The following DCAF10 variants were observed in gnomAD, a reference collection of about 807,000 sequenced individuals.
The protein encoded by DCAF10 is DDB1- and CUL4-associated factor 10.
DCAF10 carries 19 observed loss-of-function variants against 51.9 expected under a neutral mutation model. The observed-to-expected ratio is 0.37, with a 90% CI of 0.26 to 0.54. DCAF10 has a LOEUF of 0.54. Ranked by LOEUF, DCAF10 falls within the 20% of genes least tolerant of loss-of-function variation. The pLI is 0.87. For synonymous variants in DCAF10, 291 were observed against 297.1 expected, an observed-to-expected ratio of 0.98 and a Z score of 0.21; for missense variants, 510 against 730.6, an observed-to-expected ratio of 0.70 and a Z score of 3.48.
intron 1 of DCAF10, among the ~76,000 whole-genome samples, chr9:37,809,199 AACT>A (rs1415314334): frequency 6.6e-6 from 1 of 152,092 alleles, no homozygotes; most frequent in Admixed American, 6.5e-5. Context: ...AAATGTTCAG[AACT>A]AAATGATAAT....
At chr9:37,855,567 A>G (rs1019678107) in intron 4 of DCAF10, among the ~76,000 whole-genome samples, 1 of 152,242 alleles carries the variant, frequency 6.6e-6, no homozygotes, top group East Asian at 1.9e-4. Flanking sequence ...TATGTGATTT[A>G]AAAAAGACTA....
chr9:37,849,566 A>G (rs1018326228), intron 3 of DCAF10, among the ~76,000 whole-genome samples: 3 of 151,958 alleles, frequency 2.0e-5, no homozygotes, highest in African/African-American at 4.8e-5. Flanking sequence ...TGGGCAACAT[A>G]GTGAGACCTC....
rs1221650068 is a variant in DCAF10, at chr9:37,829,896, A to G, written c.653+10495A>G. ...GTTGCACGTGCCTATAGTCCCAGCT[A>G]CTTAGAAAGCTTAGGAGGAATGCTT... On this transcript the variant is annotated intron_variant, in intron 2 of 6. Transcript: ENST00000377724. The surrounding 1 kb of genome is among the most constrained non-coding windows in gnomAD (Gnocchi z 4.2). Among the ~76,000 whole-genome samples the G allele has an allele frequency of 6.6e-6, 1 of 152,134 alleles. No individual in the cohort carries two copies. Among genetic ancestry groups the G allele is most frequent in the African/African-American group, 2.4e-5 (1 of 41,436 alleles).
chr9:37,801,211 C>A lies in DCAF10; in HGVS notation c.345C>A (p.Gly115=). 6.4e-7 allele frequency: 1 copy of A among 1,557,682 alleles called. No individual in the cohort carries two copies. Among genetic ancestry groups the A allele is most frequent in the African/African-American group, 1.4e-5 (1 of 71,468 alleles). Residue 115 remains glycine (G), a synonymous_variant, in exon 1 of 7, where the codon GGC becomes GGA. Coordinates refer to ENST00000377724, the MANE Select transcript of DCAF10 (RefSeq NM_024345.5). This position sits in a 1 kb window ranked among gnomAD's most constrained non-coding sequence, Gnocchi z 5.5. ...KSRGRHGLGA[G]LGGPGARLFG... is the part of the protein sequence containing the mutation. ...GGGGCCGACACGGCCTCGGCGCGGG[C>A]CTGGGCGGCCCTGGCGCTAGGCTGT...
intron 2 of DCAF10, among the ~76,000 whole-genome samples, chr9:37,839,690 T>G (rs1830276085): frequency 6.6e-6 from 1 of 152,208 alleles, no homozygotes; most frequent in Non-Finnish European, 1.5e-5. Flanking sequence ...TGCCTGTGTA[T>G]CTTTGCTTAG....
intron 3 of DCAF10, among the ~76,000 whole-genome samples, chr9:37,851,031 A>G (rs1267555881): frequency 2.0e-5 from 3 of 150,190 alleles, no homozygotes; most frequent in East Asian, 2.0e-4. Flanking sequence ...ATCATTTGAG[A>G]TCAGGAGTTC....
chr9:37,860,308 C>A, intron 6 of DCAF10, 115 bp downstream of exon 6: 1 of 1,331,244 alleles, frequency 7.5e-7, no homozygotes, highest in Non-Finnish European at 1.0e-6. Flanking sequence ...GGGCATACTG[C>A]TAGAGATCCT....
At chr9:37,836,959 T>G (rs1357808150) in intron 2 of DCAF10, among the ~76,000 whole-genome samples, 1 of 152,180 alleles carries the variant, frequency 6.6e-6, no homozygotes, top group Non-Finnish European at 1.5e-5. Context: ...CAAACACATT[T>G]ATGGCATGCA....
At chr9:37,842,318 G>A in intron 3 of DCAF10, 32 bp downstream of exon 3, 2 of 1,580,330 alleles carry the variant, frequency 1.3e-6, no homozygotes, top group Non-Finnish European at 8.6e-7. Flanking sequence ...TTAGGATTAT[G>A]AACAAAAACA....
intron 2 of DCAF10, among the ~76,000 whole-genome samples, chr9:37,820,941 T>C (rs1829683054): frequency 6.6e-6 from 1 of 152,150 alleles, no homozygotes. Flanking sequence ...ATGCATGTAG[T>C]ACAAAATTCA....
intron 2 of DCAF10, among the ~76,000 whole-genome samples, chr9:37,825,110 C>T (rs187984419): frequency 8.5e-5 from 13 of 152,070 alleles, no homozygotes; most frequent in African/African-American, 9.6e-5. Flanking sequence ...GGTGAGGTTA[C>T]GGAGAAAAAG....
At chr9:37,832,756 C>T (rs564374715) in intron 2 of DCAF10, among the ~76,000 whole-genome samples, 56 of 152,198 alleles carry the variant, frequency 3.7e-4, no homozygotes, top group Admixed American at 1.2e-3. Flanking sequence ...ACATGATAGA[C>T]ACCTCAAAGC....
At position 37,861,577 on chromosome 9, in the gene DCAF10, T is replaced by G. The variant is rs930903577; in HGVS notation, c.*69T>G. The G allele has an allele frequency of 6.5e-7, 1 of 1,528,764 alleles. No individual in the cohort carries two copies. Among genetic ancestry groups the G allele is most frequent in the Non-Finnish European group, 8.8e-7 (1 of 1,140,560 alleles). 94.7% of individuals were successfully genotyped at this position (1,528,764 alleles called of 1,614,324 possible). A position where few individuals can be genotyped will look rare whatever the true frequency, so the allele number is the denominator to read the frequency against. On this transcript the variant is annotated 3_prime_UTR_variant, in exon 7 of 7. Transcript: ENST00000377724. The surrounding 1 kb of genome is among the most constrained non-coding windows in gnomAD (Gnocchi z 4.9). ...AGGAATTGCTTCAATTTAGATGAAGTATTTTCTTTTTAGAAGATCTTATAA... is the reference window on the plus strand; with the variant it reads ...AGGAATTGCTTCAATTTAGATGAAGGATTTTCTTTTTAGAAGATCTTATAA...
intron 1 of DCAF10, among the ~76,000 whole-genome samples, chr9:37,802,574 T>A (rs1267884945): frequency 6.6e-6 from 1 of 151,918 alleles, no homozygotes; most frequent in Non-Finnish European, 1.5e-5. Context: ...AAGCAAAAAA[T>A]TTTACTGAAG....
chr9:37,856,783 G>A (rs75173913), intron 4 of DCAF10, among the ~76,000 whole-genome samples: 19,472 of 151,540 alleles, frequency 0.13, 1,411 homozygotes, highest in Non-Finnish European at 0.16. Flanking sequence ...CAAGATCCTT[G>A]TCTCAAAAAA....
In DCAF10 at chr9:37,861,406, T is replaced by G; in HGVS notation, c.1578T>G (p.Ser526=). 9 of 1,614,208 alleles carry G rather than the reference T, an allele frequency of 5.6e-6. No individual in the cohort carries two copies. The highest frequency in any genetic ancestry group is 7.6e-6 in the Non-Finnish European group (9 of 1,180,036). ...SPLRVIRSLY[S]HNDVVLTTKF... ...TGCGGGTGATCCGTTCTCTGTACTC[T>G]CATAATGATGTGGTACTGACAACAA... The change falls in exon 7 of 7, where the codon TCT becomes TCG. Residue 526 remains serine (S), a synonymous_variant. Transcript: ENST00000377724. The surrounding 1 kb of genome is among the most constrained non-coding windows in gnomAD (Gnocchi z 4.9).
rs1385800064 is a variant in DCAF10, at chr9:37,801,194, C to G, written c.328C>G (p.His110Asp). Residue 110 changes from histidine (H) to aspartate (D), a missense_variant, in exon 1 of 7, where the codon CAC becomes GAC. Transcript: ENST00000377724. The surrounding 1 kb of genome is among the most constrained non-coding windows in gnomAD (Gnocchi z 5.5). ...PDCRAKSRGR[H>D]GLGAGLGGPG... is the part of the protein sequence containing the mutation. ...CTGCAGGGCCAAGAGCCGGGGCCGA[C>G]ACGGCCTCGGCGCGGGCCTGGGCGG... The G allele has an allele frequency of 6.5e-7, 1 of 1,547,460 alleles. No individual in the cohort carries two copies. The highest frequency in any genetic ancestry group is 2.0e-5 in the Admixed American group (1 of 51,026).
rs1218367028 is a variant in DCAF10 at position 37,819,288 on chromosome 9, G to A, written c.540G>A (p.Gly180=). 1 of 1,612,122 alleles carries A rather than the reference G, an allele frequency of 6.2e-7. No individual in the cohort carries two copies. The change falls in exon 2 of 7, where the codon GGG becomes GGA. Residue 180 remains glycine, a splice_region_variant and synonymous_variant. Transcript: ENST00000377724. ...AVFNLEYSPD[G]SVLTVACEQT... ...AGATAAATGTGTCATTTGCTTTCAGGTCAGTGCTGACAGTTGCTTGTGAAC... is the reference window on the plus strand; with the variant it reads ...AGATAAATGTGTCATTTGCTTTCAGATCAGTGCTGACAGTTGCTTGTGAAC...
chr9:37,805,335 T>A (rs1829079743), intron 1 of DCAF10, among the ~76,000 whole-genome samples: 1 of 151,560 alleles, frequency 6.6e-6, no homozygotes, highest in African/African-American at 2.4e-5. Flanking sequence ...TACAAAAAAA[T>A]TAGCCTGGTG....
Sources: gnomAD v4.1 joint callset for allele counts (sites outside exome capture counted in the v4.1 genomes callset) on GRCh38, gnomAD v4.1.1 for gene constraint, Gnocchi (gnomAD v3.1) non-coding constraint, MANE v1.5 for transcripts, NCBI Gene and HGNC (gene_info 2026-07-23, HGNC 2026-07-21) for gene names.